Variants in STXBP5L observed in about 807,000 individuals in gnomAD.
STXBP5L encodes the protein syntaxin binding protein 5L.
A neutral mutation model predicts 144.5 loss-of-function variants in STXBP5L; 65 were observed. The observed-to-expected ratio is 0.45, with a 90% confidence interval of 0.37 to 0.55. The LOEUF (loss-of-function observed/expected upper bound fraction) is 0.55. Among genes scored for constraint, STXBP5L ranks in the 20% least tolerant of loss-of-function variants. The probability of loss-of-function intolerance (pLI) is 0.00; values close to 1 mark genes in which losing one functional copy is unlikely to be tolerated. For synonymous variants in STXBP5L, 505 were observed against 469.6 expected (o/e 1.08, Z -0.97); for missense variants, 1,298 against 1,405.5 (o/e 0.92, Z 1.22).
At chr3:121,136,740 G>T (rs1401790076) in intron 7 of STXBP5L, among the ~76,000 whole-genome samples, 1 of 152,138 alleles carries the variant, frequency 6.6e-6, no homozygotes, top group Non-Finnish European at 1.5e-5. Flanking sequence ...TATAGCCAAA[G>T]AAATTATAAA....
At chr3:121,412,396 C>A (rs867578162) in intron 23 of STXBP5L, among the ~76,000 whole-genome samples, 1 of 152,036 alleles carries the variant, frequency 6.6e-6, no homozygotes. Flanking sequence ...CTCTAGGCAC[C>A]CACCATACTA....
chr3:121,349,871 T>C (rs560087929), intron 20 of STXBP5L, among the ~76,000 whole-genome samples: 6 of 152,108 alleles, frequency 3.9e-5, no homozygotes, highest in Non-Finnish European at 7.3e-5. Context: ...TGAGATGGGT[T>C]TCCTGAATAC....
At chr3:121,262,530 T>C (rs2050417709) in intron 18 of STXBP5L, among the ~76,000 whole-genome samples, 6 of 151,992 alleles carry the variant, frequency 3.9e-5, no homozygotes. Context: ...CTAGGGATAC[T>C]GAGAATCGCT....
At chr3:121,120,054 G>T (rs1378712768) in intron 6 of STXBP5L, among the ~76,000 whole-genome samples, 2 of 151,306 alleles carry the variant, frequency 1.3e-5, no homozygotes, top group Non-Finnish European at 3.0e-5. Context: ...AAGTACTGAA[G>T]ATTTACAATG....
intron 9 of STXBP5L, among the ~76,000 whole-genome samples, chr3:121,197,948 A>G (rs781564638): frequency 6.6e-6 from 1 of 152,220 alleles, no homozygotes; most frequent in Non-Finnish European, 1.5e-5. Context: ...TAGTGCTGCA[A>G]TAAACATATG....
chr3:121,349,707 T>A (rs1283089562), intron 20 of STXBP5L, among the ~76,000 whole-genome samples: 2 of 152,144 alleles, frequency 1.3e-5, no homozygotes, highest in African/African-American at 2.4e-5. Context: ...TTTACCATTA[T>A]GTAATGGTCT....
intron 3 of STXBP5L, among the ~76,000 whole-genome samples, chr3:121,003,522 A>C (rs1020303979): frequency 6.6e-6 from 1 of 152,102 alleles, no homozygotes; most frequent in African/African-American, 2.4e-5. Context: ...CTCTGATGGT[A>C]GTTTCTTTTG....
intron 10 of STXBP5L, among the ~76,000 whole-genome samples, chr3:121,218,234 TA>T (rs1305299450): frequency 7.0e-6 from 1 of 143,032 alleles, no homozygotes; most frequent in Non-Finnish European, 1.5e-5. Context: ...ATATAGTATA[TA>T]TATTACTATA....
At chr3:121,020,504 G>T (rs759779313) in intron 3 of STXBP5L, among the ~76,000 whole-genome samples, 1 of 152,178 alleles carries the variant, frequency 6.6e-6, no homozygotes, top group Admixed American at 6.5e-5. Flanking sequence ...CTTAAGAGCT[G>T]TGAGGCAAAA....
At chr3:121,023,825 G>T (rs1945731839) in intron 3 of STXBP5L, among the ~76,000 whole-genome samples, 1 of 152,062 alleles carries the variant, frequency 6.6e-6, no homozygotes, top group Non-Finnish European at 1.5e-5. Context: ...GTGCAATCTT[G>T]GCTCACTGCA....
At chr3:121,157,464 T>G in intron 8 of STXBP5L, 40 bp from the exon 9 acceptor site, 1 of 1,532,298 alleles carries the variant, frequency 6.5e-7, no homozygotes, top group Non-Finnish European at 8.7e-7. Flanking sequence ...ACCTATCTAC[T>G]TTTTTCCCCC....
chr3:121,159,720 C>T (rs1265812872), intron 9 of STXBP5L, among the ~76,000 whole-genome samples: 1 of 150,820 alleles, frequency 6.6e-6, no homozygotes, highest in African/African-American at 2.4e-5. Flanking sequence ...AGCTCCGCCT[C>T]CCGGGTTCAC....
At chr3:121,095,752 A>G (rs947158853) in intron 5 of STXBP5L, among the ~76,000 whole-genome samples, 2 of 150,618 alleles carry the variant, frequency 1.3e-5, no homozygotes, top group Non-Finnish European at 3.0e-5. Flanking sequence ...TAGCTCGGAG[A>G]AGTTTGATCG....
At chr3:121,133,628 TAA>T (rs1336480717) in intron 7 of STXBP5L, among the ~76,000 whole-genome samples, 3 of 152,206 alleles carry the variant, frequency 2.0e-5, no homozygotes, top group South Asian at 2.1e-4. Context: ...CAAGAAATGC[TAA>T]AGAGTTCTTT....
At chr3:121,001,172 C>T (rs1470600543) in intron 3 of STXBP5L, among the ~76,000 whole-genome samples, 39 of 152,168 alleles carry the variant, frequency 2.6e-4, no homozygotes, top group Non-Finnish European at 1.5e-5. Context: ...TGTGTACTGG[C>T]ATAGCCATTG....
At position 121,222,117 on chromosome 3, in the gene STXBP5L, GA is replaced by G. The variant is rs1344115279; in HGVS notation, c.957-884del. 2.0e-5 allele frequency among the ~76,000 whole-genome samples: 3 copies of G among 151,880 alleles called. No homozygotes were observed. The East Asian group carries it at 5.8e-4, about 29-fold the overall frequency. Reference sequence around the variant, plus strand: ...CTAGGTCTTTAAAAAAATTAGAAAAGAATATTTTCAATTTGGTATTTACTTC... The same window carrying G: ...CTAGGTCTTTAAAAAAATTAGAAAAGATATTTTCAATTTGGTATTTACTTC... On this transcript the variant is annotated intron_variant, in intron 10 of 26. Coordinates refer to ENST00000471454, the MANE Select transcript of STXBP5L (RefSeq NM_001308330.2).
intron 22 of STXBP5L, among the ~76,000 whole-genome samples, chr3:121,386,649 A>T (rs1043208545): frequency 6.6e-6 from 1 of 151,926 alleles, no homozygotes; most frequent in Non-Finnish European, 1.5e-5. Context: ...GAGAACATGC[A>T]GTGTTTGGTT....
At chr3:121,063,712 G>C (rs1174493274) in intron 5 of STXBP5L, among the ~76,000 whole-genome samples, 1 of 152,176 alleles carries the variant, frequency 6.6e-6, no homozygotes, top group African/African-American at 2.4e-5. Flanking sequence ...ATTTAGAGAG[G>C]AGGTCTGGCT....
intron 22 of STXBP5L, among the ~76,000 whole-genome samples, chr3:121,387,806 G>A (rs1351711122): frequency 6.6e-6 from 1 of 151,998 alleles, no homozygotes; most frequent in Non-Finnish European, 1.5e-5. Context: ...CGTTACTGTA[G>A]CCTTAATATA....
Sources: allele counts gnomAD v4.1 joint callset (sites outside exome capture counted in the v4.1 genomes callset), GRCh38; gene constraint gnomAD v4.1.1; transcripts MANE v1.5; gene names NCBI Gene and HGNC (gene_info 2026-07-23, HGNC 2026-07-21).